FHIT: variants seen among roughly 807,000 people sequenced by gnomAD.
FHIT encodes the protein bis(5'-adenosyl)-triphosphatase.
A neutral mutation model predicts 17.9 loss-of-function variants in FHIT; 19 were observed. The ratio of observed to expected loss-of-function variants is 1.06; its 90% CI spans 0.74 to 1.56. The LOEUF (loss-of-function observed/expected upper bound fraction) is 1.56. FHIT is among the 40% of genes most tolerant of loss of function. The pLI is 0.00. For missense variants in FHIT, 248 were observed against 189.2 expected, an observed-to-expected ratio of 1.31 and a Z score of -1.82; for synonymous variants, 81 against 69.7, an observed-to-expected ratio of 1.16 and a Z score of -0.81.
rs1559897272 is a variant in FHIT at position 60,418,406 on chromosome 3, ATATATATATATATATATATACG to A, written c.103+118432_103+118453del. Among the ~76,000 whole-genome samples the A allele has an allele frequency of 4.9e-5, 6 of 123,706 alleles. 1 individual carries two copies. The highest frequency in any genetic ancestry group is 6.7e-5 in the Non-Finnish European group (4 of 60,042). 81.2% of individuals were successfully genotyped at this position (123,706 alleles called of 152,430 possible). A position where few individuals can be genotyped will look rare whatever the true frequency, so the allele number is the denominator to read the frequency against. On this transcript the variant is annotated intron_variant, in intron 5 of 9. Transcript: ENST00000492590. The stretch of plus-strand genomic sequence containing the variant: ...TATATATATATATATATATATATAT[ATATATATATATATATATATACG>A]TGTATACACACACACCACAGACGAT...
At chr3:59,761,785 A>G (rs1243599925) in intron 8 of FHIT, among the ~76,000 whole-genome samples, 1 of 151,800 alleles carries the variant, frequency 6.6e-6, no homozygotes, top group East Asian at 1.9e-4. Context: ...TTTTGTAGAG[A>G]TGGGGTTTCA....
At chr3:61,125,188 G>A (rs1293523390) in intron 2 of FHIT, among the ~76,000 whole-genome samples, 2 of 152,162 alleles carry the variant, frequency 1.3e-5, no homozygotes, top group African/African-American at 2.4e-5. Context: ...TGTATTTAAG[G>A]ATTATTTCAA....
intron 8 of FHIT, among the ~76,000 whole-genome samples, chr3:59,797,583 T>C (rs929371905): frequency 6.6e-6 from 1 of 152,342 alleles, no homozygotes; most frequent in Middle Eastern, 3.4e-3. Context: ...GTAAGGAGGA[T>C]GTAGTTCTGG....
intron 7 of FHIT, among the ~76,000 whole-genome samples, chr3:59,944,518 T>C (rs1048027633): frequency 3.3e-5 from 5 of 151,918 alleles, no homozygotes; most frequent in Non-Finnish European, 7.4e-5. Flanking sequence ...TTTTTTCTTT[T>C]TTTTTTATTT....
At chr3:60,824,283 C>T (rs913928470) in intron 3 of FHIT, among the ~76,000 whole-genome samples, 1 of 152,170 alleles carries the variant, frequency 6.6e-6, no homozygotes, top group Non-Finnish European at 1.5e-5. Context: ...ATTTTGAAAG[C>T]AGATCCAAAA....
Position 60,868,393 on chromosome 3 carries a change from C to T in FHIT, c.-110-46382G>A, listed in dbSNP as rs906243315. 9.9e-5 allele frequency among the ~76,000 whole-genome samples: 15 copies of T among 152,218 alleles called. No individual in the cohort carries two copies. In the South Asian group the frequency reaches 1.5e-3, roughly 15 times the overall value. ...TTTCTCTCTCTACCAAGAAAGTGTTCCTGCTTGATAGATTCCCCTCTCTTG... is the reference window on the plus strand; with the variant it reads ...TTTCTCTCTCTACCAAGAAAGTGTTTCTGCTTGATAGATTCCCCTCTCTTG... On this transcript the variant is annotated intron_variant, in intron 3 of 9. Transcript: ENST00000492590.
chr3:61,120,504 G>A (rs903820835), intron 2 of FHIT, among the ~76,000 whole-genome samples: 1 of 152,132 alleles, frequency 6.6e-6, no homozygotes, highest in Non-Finnish European at 1.5e-5. Flanking sequence ...TCACAGGTTG[G>A]AGTGTACATC....
intron 5 of FHIT, among the ~76,000 whole-genome samples, chr3:60,412,084 T>C (rs540430366): frequency 1.0e-3 from 154 of 152,152 alleles, no homozygotes; most frequent in African/African-American, 3.3e-3. Flanking sequence ...TGGAAAGTTT[T>C]AAAAAGTAAA....
chr3:60,567,538 A>G lies in FHIT; in HGVS notation c.-17-30559T>C, dbSNP rs1304998502. Among the ~76,000 whole-genome samples, 4 of 152,190 alleles carry G rather than the reference A, an allele frequency of 2.6e-5. No individual in the cohort carries two copies. In the East Asian group the frequency reaches 5.8e-4, roughly 22 times the overall value. Reference sequence around the variant, plus strand: ...ACCTAGGCAATACCATTCAGGACATAAGTATGGGCAAGGACTTCATGTCCA... The same window carrying G: ...ACCTAGGCAATACCATTCAGGACATGAGTATGGGCAAGGACTTCATGTCCA... On this transcript the variant is annotated intron_variant, in intron 4 of 9. Transcript: ENST00000492590.
chr3:60,719,353 C>T (rs1158024540), intron 4 of FHIT, among the ~76,000 whole-genome samples: 5 of 152,102 alleles, frequency 3.3e-5, no homozygotes, highest in Non-Finnish European at 5.9e-5. Flanking sequence ...ATACCATAAA[C>T]TTTCTTATCG....
intron 2 of FHIT, among the ~76,000 whole-genome samples, chr3:61,064,852 T>C (rs759331286): frequency 6.6e-6 from 1 of 151,660 alleles, no homozygotes; most frequent in Middle Eastern, 3.4e-3. Flanking sequence ...CAAAGGAGAG[T>C]CTTTACCCAC....
In FHIT at chr3:60,027,108, GACACACACACAC is replaced by G. The variant is rs754046097; in HGVS notation, c.104-12968_104-12957del. On this transcript the variant is annotated intron_variant, in intron 5 of 9. Transcript: ENST00000492590. ...AGTGAGTAAGACTGTTTCACACACA[GACACACACACAC>G]ACACACACACACACACACACACACA... Among the ~76,000 whole-genome samples the G allele has an allele frequency of 3.6e-4, 32 of 88,048 alleles. 1 individual carries two copies. The highest frequency in any genetic ancestry group is 8.6e-4 in the African/African-American group (20 of 23,252). The allele number at this position is 88,048 out of a possible 152,430, so 57.8% of individuals were successfully genotyped here.
chr3:60,153,084 C>T (rs941988319), intron 5 of FHIT, among the ~76,000 whole-genome samples: 2 of 152,158 alleles, frequency 1.3e-5, no homozygotes, highest in African/African-American at 4.8e-5. Flanking sequence ...AGCCAACACA[C>T]GACTAACAGC....
intron 2 of FHIT, among the ~76,000 whole-genome samples, chr3:61,191,665 T>G (rs1354216763): frequency 6.6e-6 from 1 of 152,066 alleles, no homozygotes; most frequent in Non-Finnish European, 1.5e-5. Flanking sequence ...TAAAACCCGA[T>G]TAGTTTAAAA....
intron 3 of FHIT, among the ~76,000 whole-genome samples, chr3:60,899,039 A>G (rs1226155555): frequency 6.6e-6 from 1 of 152,150 alleles, no homozygotes; most frequent in Non-Finnish European, 1.5e-5. Flanking sequence ...TTTTTTCCAG[A>G]ACCATCTGTG....
chr3:60,542,867 A>G (rs1576844648), intron 4 of FHIT, among the ~76,000 whole-genome samples: 1 of 152,198 alleles, frequency 6.6e-6, no homozygotes, highest in East Asian at 1.9e-4. Flanking sequence ...ATTTTCTTCT[A>G]TCGACTTTAT....
At chr3:60,303,834 C>A (rs1258498167) in intron 5 of FHIT, among the ~76,000 whole-genome samples, 3 of 152,158 alleles carry the variant, frequency 2.0e-5, no homozygotes, top group African/African-American at 7.2e-5. Flanking sequence ...CCAACCCACT[C>A]TGACTTCTAC....
intron 5 of FHIT, among the ~76,000 whole-genome samples, chr3:60,506,720 C>A (rs559245801): frequency 6.6e-6 from 1 of 152,204 alleles, no homozygotes; most frequent in East Asian, 1.9e-4. Context: ...GCAAAATGTT[C>A]CAGATAGGGG....
chr3:60,732,177 C>G (rs1453009264), intron 4 of FHIT: 2 of 790,620 alleles, frequency 2.5e-6, no homozygotes, highest in Non-Finnish European at 4.3e-6. Context: ...CAATGGTGAT[C>G]TTCTTGCTGG....
Sources: gnomAD v4.1 joint callset for allele counts (sites outside exome capture counted in the v4.1 genomes callset) on GRCh38, gnomAD v4.1.1 for gene constraint, MANE v1.5 for transcripts, NCBI Gene and HGNC (gene_info 2026-07-23, HGNC 2026-07-21) for gene names.